GRM8: variants seen among roughly 807,000 people sequenced by gnomAD.
The protein encoded by GRM8 is metabotropic glutamate receptor 8.
In GRM8, 47 loss-of-function variants were observed where a neutral mutation model predicts 87.2. The ratio of observed to expected loss-of-function variants is 0.54; its 90% CI spans 0.43 to 0.69. GRM8 has a LOEUF of 0.69. Among genes scored for constraint, GRM8 ranks in the 30% least tolerant of loss-of-function variants. GRM8 has a pLI of 0.00. For synonymous variants in GRM8, 396 were observed against 404.5 expected (o/e 0.98, Z 0.25); for missense variants, 1,019 against 1,139.2 (o/e 0.89, Z 1.52).
At chr7:127,091,788 A>G (rs1315140325) in intron 3 of GRM8, among the ~76,000 whole-genome samples, 1 of 69,178 alleles carries the variant, frequency 1.4e-5, no homozygotes, top group Non-Finnish European at 2.8e-5. Context: ...CCCACTGATG[A>G]CTCCCCACCC....
intron 8 of GRM8, among the ~76,000 whole-genome samples, chr7:126,584,549 C>T (rs964896998): frequency 7.9e-5 from 12 of 152,120 alleles, no homozygotes; most frequent in African/African-American, 2.4e-4. Flanking sequence ...GCAGAAATTC[C>T]GAAATCATTT....
Position 127,079,673 on chromosome 7 carries a change from A to G in GRM8, c.727+26823T>C, listed in dbSNP as rs140763945. Among the ~76,000 whole-genome samples, 1,177 of 152,330 alleles carry G rather than the reference A, an allele frequency of 7.7e-3. 4 individuals carry two copies. Among genetic ancestry groups the G allele is most frequent in the Non-Finnish European group, 0.013 (870 of 68,026 alleles). On this transcript the variant is annotated intron_variant, in intron 3 of 10. Coordinates refer to ENST00000339582, the MANE Select transcript of GRM8 (RefSeq NM_000845.3). The stretch of plus-strand genomic sequence containing the variant: ...AAATCCTACCTACTGTAGACCCAGT[A>G]GCTGTTTCCCCTTTTTTCTTCCTCA...
Position 126,446,181 on chromosome 7 carries a change from A to G in GRM8, c.2622T>C (p.Asn874=). Residue 874 remains asparagine (N), a synonymous_variant, in exon 10 of 11, where the codon AAT becomes AAC. Coordinates refer to ENST00000339582, the MANE Select transcript of GRM8 (RefSeq NM_000845.3). ...TMQSKLIQKG[N]DRPNGEVKSE... is the part of the protein sequence containing the mutation. ...TTTTCACCTCGCCATTTGGTCTGTC[A>G]TTTCCTTTTTGGATCAGTTTGCTTT... is the stretch of plus-strand genomic sequence containing the variant. The G allele has an allele frequency of 6.2e-7, 1 of 1,613,008 alleles. No individual in the cohort carries two copies. Among genetic ancestry groups the G allele is most frequent in the East Asian group, 2.2e-5 (1 of 44,802 alleles).
At chr7:126,855,065 T>C (rs1797552248) in intron 6 of GRM8, among the ~76,000 whole-genome samples, 1 of 152,208 alleles carries the variant, frequency 6.6e-6, no homozygotes, top group African/African-American at 2.4e-5. Context: ...TGGCTGTGGG[T>C]TTGTCATAGA....
At chr7:126,829,563 T>C (rs1396712646) in intron 6 of GRM8, among the ~76,000 whole-genome samples, 1 of 150,982 alleles carries the variant, frequency 6.6e-6, no homozygotes, top group Non-Finnish European at 1.5e-5. Flanking sequence ...TGGTAGATCT[T>C]CCTCCATCCT....
chr7:127,053,793 A>G (rs1223354722), intron 3 of GRM8, among the ~76,000 whole-genome samples: 4 of 85,546 alleles, frequency 4.7e-5, no homozygotes, highest in Non-Finnish European at 1.1e-4. Context: ...GTCTCAAAAA[A>G]AAAAAGGGGG....
chr7:126,673,283 T>A (rs377106479), intron 7 of GRM8, among the ~76,000 whole-genome samples: 30 of 152,274 alleles, frequency 2.0e-4, no homozygotes, highest in African/African-American at 7.2e-4. Context: ...TTTTTATGGC[T>A]TTGGGACAGA....
intron 3 of GRM8, among the ~76,000 whole-genome samples, chr7:126,977,165 T>G (rs939330797): frequency 1.3e-5 from 2 of 152,170 alleles, no homozygotes; most frequent in Non-Finnish European, 2.9e-5. Context: ...TTTAAATATT[T>G]TCAGTTCTTT....
intron 3 of GRM8, among the ~76,000 whole-genome samples, chr7:127,104,978 T>TC (rs1398855201): frequency 6.6e-6 from 1 of 152,202 alleles, no homozygotes; most frequent in Non-Finnish European, 1.5e-5. Flanking sequence ...ACAAAATGTG[T>TC]CCTCAAGTTG....
chr7:126,794,471 AC>A (rs1359956547), intron 6 of GRM8, among the ~76,000 whole-genome samples: 7 of 152,160 alleles, frequency 4.6e-5, no homozygotes, highest in Non-Finnish European at 1.5e-5. Context: ...TTTATTTGCT[AC>A]CTAAGAAATG....
intron 6 of GRM8, among the ~76,000 whole-genome samples, chr7:126,841,625 GA>G (rs1275375073): frequency 6.6e-6 from 1 of 151,370 alleles, no homozygotes; most frequent in East Asian, 1.9e-4. Flanking sequence ...TTATTTATTG[GA>G]TTATTATTTT....
intron 7 of GRM8, among the ~76,000 whole-genome samples, chr7:126,669,534 C>G (rs1806160225): frequency 6.6e-6 from 1 of 152,172 alleles, no homozygotes; most frequent in African/African-American, 2.4e-5. Context: ...GCAAAGTTTT[C>G]TAAGTGTTGT....
At chr7:126,792,120 T>G (rs1012044002) in intron 6 of GRM8, among the ~76,000 whole-genome samples, 2 of 152,194 alleles carry the variant, frequency 1.3e-5, no homozygotes, top group African/African-American at 4.8e-5. Context: ...GGTCCCAGGA[T>G]GCCCCTCAGC....
At chr7:127,022,492 G>A (rs1177044656) in intron 3 of GRM8, among the ~76,000 whole-genome samples, 1 of 151,978 alleles carries the variant, frequency 6.6e-6, no homozygotes, top group African/African-American at 2.4e-5. Flanking sequence ...ACCCTGACAG[G>A]GGAAGAGAGA....
chr7:126,916,216 A>T (rs1328408220), intron 3 of GRM8, among the ~76,000 whole-genome samples: 1 of 152,204 alleles, frequency 6.6e-6, no homozygotes, highest in East Asian at 1.9e-4. Flanking sequence ...ACAGCATTAG[A>T]CTTTGAATTA....
chr7:126,885,551 A>G (rs1800410872), intron 6 of GRM8, among the ~76,000 whole-genome samples: 1 of 152,150 alleles, frequency 6.6e-6, no homozygotes. Context: ...TAGGCCTGGG[A>G]AACAGAACAC....
chr7:127,023,154 G>A (rs1365156286), intron 3 of GRM8, among the ~76,000 whole-genome samples: 1 of 151,912 alleles, frequency 6.6e-6, no homozygotes, highest in Non-Finnish European at 1.5e-5. Context: ...TCTTCATAAC[G>A]GGTTTTCTCG....
chr7:127,002,100 A>G (rs746980112), intron 3 of GRM8, among the ~76,000 whole-genome samples: 2 of 151,586 alleles, frequency 1.3e-5, no homozygotes, highest in Non-Finnish European at 3.0e-5. Context: ...AAAAGGGTCT[A>G]TATCTTTATA....
At chr7:126,630,846 C>T (rs756597287) in intron 7 of GRM8, among the ~76,000 whole-genome samples, 2 of 152,080 alleles carry the variant, frequency 1.3e-5, no homozygotes, top group Non-Finnish European at 2.9e-5. Context: ...ATGTTAAAAA[C>T]TCTCAATAAA....
Sources: gnomAD v4.1 joint callset for allele counts (sites outside exome capture counted in the v4.1 genomes callset) on GRCh38, gnomAD v4.1.1 for gene constraint, MANE v1.5 for transcripts, NCBI Gene and HGNC (gene_info 2026-07-23, HGNC 2026-07-21) for gene names.